DLG2: variants seen among roughly 807,000 people sequenced by gnomAD.
DLG2 encodes discs large MAGUK scaffold protein 2, also known as disks large homolog 2.
DLG2 carries 45 observed loss-of-function variants against 132.5 expected under a neutral mutation model. That is an observed-to-expected ratio of 0.34 (90% confidence interval 0.27 to 0.44). The LOEUF is 0.44. Among genes scored for constraint, DLG2 ranks in the 20% least tolerant of loss-of-function variants. DLG2 has a pLI of 1.00. For missense variants in DLG2, 1,045 were observed against 1,196.9 expected, an observed-to-expected ratio of 0.87 and a Z score of 1.87; for synonymous variants, 424 against 419.6, an observed-to-expected ratio of 1.01 and a Z score of -0.13.
Position 83,471,686 on chromosome 11 carries a change from C to A in DLG2, c.2386G>T (p.Asp796Tyr). The A allele has an allele frequency of 6.2e-7, 1 of 1,612,914 alleles. No homozygotes were observed. ...RPVIILGPMK[D>Y]RINDDLISEF... is the part of the protein sequence containing the mutation. ...GATATCAAGTCGTCATTGATCCGATCCTTCATGGGCCCCAGGATAATCACC... is the reference window on the plus strand; with the variant it reads ...GATATCAAGTCGTCATTGATCCGATACTTCATGGGCCCCAGGATAATCACC... Residue 796 changes from aspartate (D) to tyrosine (Y), a missense_variant, in exon 24 of 28, where the codon GAT becomes TAT. This residue lies in a region of DLG2 where 398 missense variants were observed against 543.6 expected (regional missense o/e 0.73). Coordinates refer to ENST00000376104, the MANE Select transcript of DLG2 (RefSeq NM_001142699.3).
chr11:84,096,597 G>C (rs1267523575), intron 10 of DLG2, among the ~76,000 whole-genome samples: 4 of 152,126 alleles, frequency 2.6e-5, no homozygotes, highest in Non-Finnish European at 4.4e-5. Context: ...GCTAAACAGA[G>C]TGGTGAAAAA....
intron 3 of DLG2, among the ~76,000 whole-genome samples, chr11:85,392,343 G>C (rs955775578): frequency 8.6e-5 from 13 of 151,644 alleles, no homozygotes; most frequent in African/African-American, 3.2e-4. Flanking sequence ...AATCAATATT[G>C]TGAAAATGAC....
chr11:83,558,848 C>CGTGTGTGTGTGTGTGTGTGTGT lies in DLG2; in HGVS notation c.1941-17012_1941-16991dup, dbSNP rs3039336. 2.2e-3 allele frequency among the ~76,000 whole-genome samples: 320 copies of CGTGTGTGTGTGTGTGTGTGTGT among 142,326 alleles called. 2 individuals carry two copies. Among genetic ancestry groups the CGTGTGTGTGTGTGTGTGTGTGT allele is most frequent in the Non-Finnish European group, 3.4e-3 (223 of 64,698 alleles). The allele number at this position is 142,326 out of a possible 152,430, so 93.4% of individuals were successfully genotyped here. A position where few individuals can be genotyped will look rare whatever the true frequency, so the allele number is the denominator to read the frequency against. ...CCCGGTAAAAAACAGTGCTAGATGTCGTGTGTGTGTGTGTGTGTGTGTGTG... is the reference window on the plus strand; with the variant it reads ...CCCGGTAAAAAACAGTGCTAGATGTCGTGTGTGTGTGTGTGTGTGTGTGTGTGTGTGTGTGTGTGTGTGTGTG... On this transcript the variant is annotated intron_variant, in intron 19 of 27. Coordinates refer to ENST00000376104, the MANE Select transcript of DLG2 (RefSeq NM_001142699.3).
intron 5 of DLG2, among the ~76,000 whole-genome samples, chr11:85,128,353 G>A (rs1375911859): frequency 1.3e-5 from 2 of 151,932 alleles, no homozygotes; most frequent in African/African-American, 4.8e-5. Context: ...ATAGAATAAT[G>A]TTAGATTCAA....
intron 6 of DLG2, among the ~76,000 whole-genome samples, chr11:84,644,338 G>A (rs547702593): frequency 8.5e-5 from 13 of 152,108 alleles, no homozygotes; most frequent in South Asian, 8.3e-4. Context: ...ATCTTATTTC[G>A]CCACCTGGTA....
chr11:85,390,275 T>C (rs1245250879), intron 3 of DLG2, among the ~76,000 whole-genome samples: 1 of 151,930 alleles, frequency 6.6e-6, no homozygotes, highest in Non-Finnish European at 1.5e-5. Flanking sequence ...TATATTATGA[T>C]AAAAGGACTA....
intron 16 of DLG2, among the ~76,000 whole-genome samples, chr11:83,837,661 C>G (rs1204247602): frequency 8.0e-6 from 1 of 125,560 alleles, no homozygotes; most frequent in Non-Finnish European, 1.6e-5. Context: ...CTGTTTTTGT[C>G]TGTACTTATT....
rs540648137 is a variant in DLG2, at chr11:84,978,762, G to A, written c.357+132899C>T. Among the ~76,000 whole-genome samples the A allele has an allele frequency of 4.6e-5, 7 of 152,166 alleles. No homozygotes were observed. In the East Asian group the frequency reaches 9.7e-4, roughly 21 times the overall value. On this transcript the variant is annotated intron_variant, in intron 6 of 27. Coordinates refer to ENST00000376104, the MANE Select transcript of DLG2 (RefSeq NM_001142699.3). Reference sequence around the variant, plus strand: ...TCAGGACACAGGCATGGGCAAGGACGTCATGTCTAAAACACCAAAAGCAAT... The same window carrying A: ...TCAGGACACAGGCATGGGCAAGGACATCATGTCTAAAACACCAAAAGCAAT...
intron 7 of DLG2, among the ~76,000 whole-genome samples, chr11:84,278,732 T>C (rs561106944): frequency 6.6e-6 from 1 of 152,280 alleles, no homozygotes; most frequent in South Asian, 2.1e-4. Context: ...AATTAAATAA[T>C]GAATTTATTC....
intron 3 of DLG2, among the ~76,000 whole-genome samples, chr11:85,476,987 G>C (rs899621653): frequency 2.6e-5 from 4 of 152,024 alleles, no homozygotes; most frequent in Admixed American, 1.3e-4. Flanking sequence ...TAAATGACTG[G>C]CAGTGCAATA....
At chr11:84,065,352 G>A (rs1018687820) in intron 10 of DLG2, among the ~76,000 whole-genome samples, 2 of 151,984 alleles carry the variant, frequency 1.3e-5, no homozygotes, top group Admixed American at 6.6e-5. Flanking sequence ...GAATCTATAA[G>A]GAACTTAAAT....
At chr11:83,827,128 G>C (rs894928533) in intron 17 of DLG2, among the ~76,000 whole-genome samples, 1 of 152,152 alleles carries the variant, frequency 6.6e-6, no homozygotes, top group Non-Finnish European at 1.5e-5. Flanking sequence ...AAGGGATGAG[G>C]TCTGGCGGCT....
intron 14 of DLG2, among the ~76,000 whole-genome samples, chr11:83,950,899 T>C (rs1228483438): frequency 6.6e-6 from 1 of 152,272 alleles, no homozygotes; most frequent in East Asian, 1.9e-4. Flanking sequence ...CTATTATATT[T>C]TTGGGTTTAT....
intron 6 of DLG2, among the ~76,000 whole-genome samples, chr11:84,915,172 T>C: frequency 6.6e-6 from 1 of 152,164 alleles, no homozygotes; most frequent in Non-Finnish European, 1.5e-5. Context: ...GTTTTTCAAA[T>C]TATGAGTTAT....
At chr11:85,570,571 A>T (rs142266515) in intron 3 of DLG2, among the ~76,000 whole-genome samples, 23 of 147,406 alleles carry the variant, frequency 1.6e-4, no homozygotes, top group African/African-American at 5.0e-4. Context: ...CTTTGAGTTT[A>T]CTCTACTTGG....
At chr11:84,068,898 C>T (rs1471787652) in intron 10 of DLG2, among the ~76,000 whole-genome samples, 2 of 152,092 alleles carry the variant, frequency 1.3e-5, no homozygotes, top group Non-Finnish European at 2.9e-5. Flanking sequence ...TAAATGATGT[C>T]TAGGAAATCT....
intron 7 of DLG2, among the ~76,000 whole-genome samples, chr11:84,464,348 T>A (rs1436156235): frequency 1.3e-5 from 2 of 151,160 alleles, no homozygotes; most frequent in Admixed American, 6.6e-5. Flanking sequence ...ACATTCAGCT[T>A]CAGACTTAAG....
chr11:85,467,917 C>A lies in DLG2; in HGVS notation c.40+130740G>T, dbSNP rs571940088. ...CAACTCCTTGTACCTCTGGTAGAAT[C>A]CAGCTGTGAATCCATCTGGTCCTGG... On this transcript the variant is annotated intron_variant, in intron 3 of 27. Transcript: ENST00000376104. 1.9e-3 allele frequency among the ~76,000 whole-genome samples: 285 copies of A among 152,270 alleles called. 2 individuals are homozygous for A. The highest frequency in any genetic ancestry group is 5.0e-3 in the Admixed American group (77 of 15,294).
At chr11:85,365,404 C>T (rs974273321) in intron 3 of DLG2, among the ~76,000 whole-genome samples, 1 of 152,150 alleles carries the variant, frequency 6.6e-6, no homozygotes, top group Admixed American at 6.5e-5. Flanking sequence ...GGGCTGGGAA[C>T]TGCACAGTTG....
Sources: allele counts gnomAD v4.1 joint callset (sites outside exome capture counted in the v4.1 genomes callset), GRCh38; gene constraint gnomAD v4.1.1; regional missense constraint gnomAD v4.1.1; transcripts MANE v1.5; gene names NCBI Gene and HGNC (gene_info 2026-07-23, HGNC 2026-07-21).